Variants in TDRD1 observed in about 807,000 individuals in gnomAD.
TDRD1 encodes tudor domain containing 1.
In TDRD1, 37 loss-of-function variants were observed where a neutral mutation model predicts 140.6. The observed-to-expected ratio is 0.26, with a 90% CI of 0.20 to 0.35. TDRD1 has a LOEUF of 0.35. TDRD1 is among the 10% of genes least tolerant of loss of function. The pLI is 1.00. For missense variants in TDRD1, 1,243 were observed against 1,393.0 expected (o/e 0.89, Z 1.71); for synonymous variants, 506 against 475.7 (o/e 1.06, Z -0.83).
chr10:114,186,880 C>G (rs181081383), intron 1 of TDRD1, among the ~76,000 whole-genome samples: 1 of 152,136 alleles, frequency 6.6e-6, no homozygotes, highest in Non-Finnish European at 1.5e-5. Flanking sequence ...TTGTAGGACA[C>G]CAACTGCTAT....
At chr10:114,187,473 A>G (rs2033627056) in intron 1 of TDRD1, among the ~76,000 whole-genome samples, 1 of 152,228 alleles carries the variant, frequency 6.6e-6, no homozygotes, top group Admixed American at 6.5e-5. Flanking sequence ...CTTCCGTTGC[A>G]TTTTGCCATT....
rs2033192860 is a variant in TDRD1 at position 114,182,817 on chromosome 10, T to G, written c.-7+3401T>G. 2.0e-5 allele frequency among the ~76,000 whole-genome samples: 3 copies of G among 152,160 alleles called. No individual in the cohort carries two copies. In the South Asian group the frequency reaches 6.2e-4, roughly 32 times the overall value. ...CTTCTGCCTCAGCCTCCCGAGTAGC[T>G]GGGACTACAGGCACCCGCCACCATG... On this transcript the variant is annotated intron_variant, in intron 1 of 25. Transcript: ENST00000251864.
At chr10:114,191,146 T>G (rs115323138) in intron 3 of TDRD1, 127 bp downstream of exon 3, 2 of 1,076,798 alleles carry the variant, frequency 1.9e-6, no homozygotes, top group Non-Finnish European at 2.6e-6. Context: ...TTTATGTACA[T>G]TTTTAAAAAA....
chr10:114,209,863 T>C (rs986076836), intron 11 of TDRD1, among the ~76,000 whole-genome samples: 1 of 152,258 alleles, frequency 6.6e-6, no homozygotes, highest in Non-Finnish European at 1.5e-5. Flanking sequence ...TGATATCTTA[T>C]CCTTTAATTC....
intron 25 of TDRD1, chr10:114,228,716 A>G (rs1479235518): frequency 6.1e-6 from 6 of 985,232 alleles, no homozygotes; most frequent in Non-Finnish European, 7.2e-6. Context: ...CCCCACCCCC[A>G]TATTTTAAAT....
chr10:114,202,311 T>TC lies in TDRD1; in HGVS notation c.696+13_696+14insC. 1 of 1,559,300 alleles carries TC rather than the reference T, an allele frequency of 6.4e-7. No individual in the cohort carries two copies. ...GGTAAACAATAAGGTATGGTATACT[T>TC]TGTCTTTAAATTTTGAATAACTCCT... On this transcript the variant is annotated intron_variant, in intron 6 of 25. Coordinates refer to ENST00000251864, the Ensembl canonical transcript of TDRD1.
At chr10:114,202,173 G>A (rs370000597) in intron 5 of TDRD1, 65 bp from the exon 6 acceptor site, 75 of 1,240,466 alleles carry the variant, frequency 6.0e-5, no homozygotes, top group Non-Finnish European at 8.1e-5. Flanking sequence ...CCATAATTGT[G>A]GTTGATAGCC....
At chr10:114,175,278 G>A (rs2032668005), upstream of TDRD1, among the ~76,000 whole-genome samples, 1 of 152,076 alleles carries the variant, frequency 6.6e-6, no homozygotes, top group Non-Finnish European at 1.5e-5. Context: ...TTCGGTACTC[G>A]TCAGTAATAA....
chr10:114,203,126 A>G (rs1360844562), exon 7 of TDRD1: 4 of 1,613,822 alleles, frequency 2.5e-6, no homozygotes, highest in Non-Finnish European at 3.4e-6. Context: ...TGAGAGAATA[A>G]TGTTTTCTGA....
rs926329363 is a variant in TDRD1, at chr10:114,192,586, G to A, written c.384+1567G>A. Among the ~76,000 whole-genome samples, 7 of 152,144 alleles carry A rather than the reference G, an allele frequency of 4.6e-5. No individual in the cohort carries two copies. In the East Asian group the frequency reaches 5.8e-4, roughly 13 times the overall value. ...CTCGCAAAGTGCTAGGATTACAGGCGTGAGCCACCAGATAGTTTTACTTCT... is the reference window on the plus strand; with the variant it reads ...CTCGCAAAGTGCTAGGATTACAGGCATGAGCCACCAGATAGTTTTACTTCT... On this transcript the variant is annotated intron_variant, in intron 3 of 25. Transcript: ENST00000251864.
At chr10:114,196,409 T>A (rs1027367781) in intron 3 of TDRD1, among the ~76,000 whole-genome samples, 3 of 152,234 alleles carry the variant, frequency 2.0e-5, no homozygotes, top group Non-Finnish European at 4.4e-5. Flanking sequence ...CTGAAAGATA[T>A]TTTCCTTGGA....
intron 1 of TDRD1, among the ~76,000 whole-genome samples, chr10:114,183,863 C>T (rs1209095930): frequency 6.6e-6 from 1 of 151,932 alleles, no homozygotes; most frequent in African/African-American, 2.4e-5. Context: ...CACTCCTTGG[C>T]CTCCCAAAGT....
chr10:114,208,777 A>AT (rs577742983), intron 11 of TDRD1, among the ~76,000 whole-genome samples: 28,126 of 143,808 alleles, frequency 0.2, 2,735 homozygotes, highest in Admixed American at 0.23. Context: ...TTAAGATACA[A>AT]TTTTTTTTTT....
rs146502557 is a variant in TDRD1, at chr10:114,193,426, G to A, written c.384+2407G>A. ...TCCTGCCTCAGCCTCCCAAGTAGCT[G>A]TGACTACAGTCATGCACCCCCATAC... On this transcript the variant is annotated intron_variant, in intron 3 of 25. Coordinates refer to ENST00000251864, the Ensembl canonical transcript of TDRD1. Among the ~76,000 whole-genome samples the A allele has an allele frequency of 7.8e-3, 1,173 of 150,880 alleles. 8 individuals carry two copies. Among genetic ancestry groups the A allele is most frequent in the Non-Finnish European group, 0.013 (901 of 67,854 alleles).
upstream of TDRD1, among the ~76,000 whole-genome samples, chr10:114,178,766 G>A (rs1355762340): frequency 6.6e-6 from 1 of 152,012 alleles, no homozygotes; most frequent in Non-Finnish European, 1.5e-5. Flanking sequence ...AGAGTGCCTG[G>A]GCTGCAGATG....
At chr10:114,216,943 T>C (rs1211648990) in intron 16 of TDRD1, among the ~76,000 whole-genome samples, 1 of 152,350 alleles carries the variant, frequency 6.6e-6, no homozygotes, top group East Asian at 1.9e-4. Flanking sequence ...AAGCTCTCCA[T>C]GGTCTGCATT....
chr10:114,220,111 G>A (rs575227674), intron 18 of TDRD1, among the ~76,000 whole-genome samples: 5 of 152,220 alleles, frequency 3.3e-5, no homozygotes, highest in African/African-American at 1.2e-4. Flanking sequence ...TTTGAAAATC[G>A]CTGCTAAGAA....
exon 9 of TDRD1, chr10:114,204,182 ACCT>A (rs1564948605): frequency 4.4e-6 from 7 of 1,597,142 alleles, no homozygotes; most frequent in Non-Finnish European, 6.0e-6. Flanking sequence ...AGAATTTACC[ACCT>A]CAACAGGAAC....
At chr10:114,176,131 T>C (rs74397183), upstream of TDRD1, among the ~76,000 whole-genome samples, 1,600 of 152,190 alleles carry the variant, frequency 0.011, 19 homozygotes, top group African/African-American at 0.037. This position sits in a 1 kb window ranked among gnomAD's most constrained non-coding sequence, Gnocchi z 4.2. Context: ...TTGTAATGGA[T>C]GGATGGGGCT....
Sources: allele counts gnomAD v4.1 joint callset (sites outside exome capture counted in the v4.1 genomes callset), GRCh38; gene constraint gnomAD v4.1.1; non-coding constraint Gnocchi (gnomAD v3.1); transcripts MANE v1.5; gene names NCBI Gene and HGNC (gene_info 2026-07-23, HGNC 2026-07-21).